The following GAS2L1 variants were observed in gnomAD, a reference collection of about 807,000 sequenced individuals.
GAS2L1 encodes GAS2-like protein 1.
In GAS2L1, 26 loss-of-function variants were observed where a neutral mutation model predicts 44.0. The ratio of observed to expected loss-of-function variants is 0.59; its 90% CI spans 0.43 to 0.82. The LOEUF (loss-of-function observed/expected upper bound fraction) is 0.82. Among genes scored for constraint, GAS2L1 ranks in the 40% least tolerant of loss-of-function variants. The probability of loss-of-function intolerance (pLI) is 0.00; values close to 1 mark genes in which losing one functional copy is unlikely to be tolerated. For synonymous variants in GAS2L1, 426 were observed against 415.9 expected (o/e 1.02, Z -0.30); for missense variants, 1,006 against 983.0 (o/e 1.02, Z -0.31).
exon 5 of GAS2L1, chr22:29,311,626 C>T (rs978678497): frequency 1.1e-5 from 17 of 1,536,862 alleles, no homozygotes; most frequent in African/African-American, 9.6e-5. Context: ...ACAGGCACCC[C>T]GGCCTCTCCG....
chr22:29,310,653 G>T, exon 3 of GAS2L1: 1 of 1,607,264 alleles, frequency 6.2e-7, no homozygotes, highest in South Asian at 1.1e-5. Context: ...GAGGAGCCAC[G>T]TGATGGTGCG....
exon 1 of GAS2L1, chr22:29,307,745 G>GTCT (rs1374070441): frequency 1.7e-5 from 3 of 181,334 alleles, no homozygotes; most frequent in African/African-American, 7.0e-5. Context: ...CTTAGCCGTT[G>GTCT]TCTTCACTTC....
exon 5 of GAS2L1, chr22:29,311,911 G>A (rs1265813454): frequency 6.2e-7 from 1 of 1,602,516 alleles, no homozygotes; most frequent in Non-Finnish European, 8.5e-7. Context: ...CGGCTTTCCC[G>A]GGTCTCCAGC....
exon 1 of GAS2L1, chr22:29,308,262 C>T (rs1417425095): frequency 6.2e-7 from 1 of 1,608,734 alleles, no homozygotes; most frequent in Admixed American, 1.7e-5. Flanking sequence ...CGATGGCTTC[C>T]TGACAGGGCT....
At chr22:29,310,869 A>ACTC in exon 4 of GAS2L1, 1 of 1,613,000 alleles carries the variant, frequency 6.2e-7, no homozygotes, top group East Asian at 2.2e-5. Flanking sequence ...TTTTCTCCAC[A>ACTC]GAGGGTGTCG....
chr22:29,310,377 T>G, intron 1 of GAS2L1, 62 bp from the exon 3 acceptor site: 2 of 909,062 alleles, frequency 2.2e-6, no homozygotes, highest in Non-Finnish European at 3.6e-6. Flanking sequence ...CTGGAATGGC[T>G]GACATTAAGC....
intron 2 of GAS2L1, 38 bp downstream of exon 3, chr22:29,310,584 G>A (rs2061392845): frequency 5.7e-6 from 9 of 1,581,542 alleles, no homozygotes; most frequent in South Asian, 2.2e-5. Context: ...CAGCAGCCAA[G>A]GTGGTGGGCT....
chr22:29,311,272 C>T (rs1221981366), intron 4 of GAS2L1, 190 bp from the exon 6 acceptor site: 1 of 575,442 alleles, frequency 1.7e-6, no homozygotes, highest in African/African-American at 1.9e-5. Flanking sequence ...GAAACTTCTT[C>T]TTCCGTGGCT....
exon 5 of GAS2L1, chr22:29,312,386 A>G (rs1262779151): frequency 6.9e-6 from 11 of 1,590,494 alleles, no homozygotes; most frequent in Non-Finnish European, 9.4e-6. Flanking sequence ...GTAAACCCTC[A>G]CGTATCCCCA....
chr22:29,308,870 G>C (rs1340402461), intron 1 of GAS2L1, 132 bp downstream of exon 2: 4 of 689,254 alleles, frequency 5.8e-6, no homozygotes. Flanking sequence ...CACATGTTGA[G>C]CACCAAACCG....
chr22:29,310,756 G>GGGCTGT, intron 3 of GAS2L1, 22 bp downstream of exon 4: 1 of 1,605,858 alleles, frequency 6.2e-7, no homozygotes, highest in Non-Finnish European at 8.5e-7. Flanking sequence ...GGTGGGGCTG[G>GGGCTGT]GGCTGGACGG....
chr22:29,308,095 C>A (rs1298287641), exon 1 of GAS2L1: 11 of 1,535,342 alleles, frequency 7.2e-6, no homozygotes, highest in Non-Finnish European at 9.7e-6. Context: ...AGTGACTCGG[C>A]CGGTCCGGGC....
At chr22:29,307,487 C>T (rs1460310646) in exon 1 of GAS2L1, 1 of 152,334 alleles carries the variant, frequency 6.6e-6, no homozygotes, top group African/African-American at 2.4e-5. Flanking sequence ...GAGCTCGACC[C>T]TTTCTGCGCC....
chr22:29,309,580 G>A (rs537449956), intron 1 of GAS2L1, among the ~76,000 whole-genome samples: 31 of 152,370 alleles, frequency 2.0e-4, no homozygotes, highest in African/African-American at 7.0e-4. Context: ...CGCTGTGGGC[G>A]GGGAGGCGGG....
At chr22:29,312,275 C>G (rs1602657340) in exon 5 of GAS2L1, 1 of 1,610,942 alleles carries the variant, frequency 6.2e-7, no homozygotes, top group Non-Finnish European at 8.5e-7. Context: ...GCAGCCCCTG[C>G]CCTGGCATGG....
chr22:29,309,339 C>T (rs548548687), intron 1 of GAS2L1, among the ~76,000 whole-genome samples: 28 of 152,338 alleles, frequency 1.8e-4, no homozygotes, highest in African/African-American at 6.3e-4. Flanking sequence ...TAAGCATAGG[C>T]GTTGCTGGGC....
In GAS2L1 at chr22:29,308,752, C is replaced by A; in HGVS notation, c.633+14C>A. The stretch of plus-strand genomic sequence containing the variant: ...CTCGACGAGCTGGTGAGTCCCCCAG[C>A]ACCAGGTGCCAGGGACCCGACAGCA... On this transcript the variant is annotated intron_variant, in intron 1 of 4. Transcript: ENST00000618518. 1 of 1,480,394 alleles carries A rather than the reference C, an allele frequency of 6.8e-7. No individual in the cohort carries two copies. Among genetic ancestry groups the A allele is most frequent in the East Asian group, 2.4e-5 (1 of 42,432 alleles). The allele number at this position is 1,480,394 out of a possible 1,614,324, so 91.7% of individuals were successfully genotyped here.
At chr22:29,312,068 C>G (rs769577656) in exon 5 of GAS2L1, 26 of 1,612,684 alleles carry the variant, frequency 1.6e-5, no homozygotes, top group South Asian at 1.3e-4. Context: ...CTAGCGTGAC[C>G]CCCACTGGAC....
chr22:29,307,307 C>G (rs983469351), exon 1 of GAS2L1: 2 of 152,204 alleles, frequency 1.3e-5, no homozygotes, highest in Non-Finnish European at 2.9e-5. Context: ...CCAGCACCGG[C>G]AGGGCCTGCG....
Sources: gnomAD v4.1 joint callset for allele counts (sites outside exome capture counted in the v4.1 genomes callset) on GRCh38, gnomAD v4.1.1 for gene constraint, MANE v1.5 for transcripts, NCBI Gene and HGNC (gene_info 2026-07-23, HGNC 2026-07-21) for gene names.